The following AGBL4 variants were observed in gnomAD, a reference collection of about 807,000 sequenced individuals.
The protein encoded by AGBL4 is AGBL carboxypeptidase 4.
In AGBL4, 58 loss-of-function variants were observed where a neutral mutation model predicts 66.4. The ratio of observed to expected loss-of-function variants is 0.87; its 90% CI spans 0.71 to 1.09. The LOEUF (loss-of-function observed/expected upper bound fraction) is 1.09. Ranked by LOEUF, AGBL4 falls within the 50% of genes least tolerant of loss-of-function variation. AGBL4 has a pLI of 0.00. For missense variants in AGBL4, 579 were observed against 631.0 expected (o/e 0.92, Z 0.88); for synonymous variants, 234 against 222.9 (o/e 1.05, Z -0.44).
intron 9 of AGBL4, among the ~76,000 whole-genome samples, chr1:48,606,433 G>C (rs922385361): frequency 6.6e-6 from 1 of 152,166 alleles, no homozygotes; most frequent in Non-Finnish European, 1.5e-5. Context: ...TTAGATGGAG[G>C]TAAAGAGGCT....
At chr1:49,501,030 T>C (rs913203194) in intron 3 of AGBL4, among the ~76,000 whole-genome samples, 1 of 152,124 alleles carries the variant, frequency 6.6e-6, no homozygotes, top group Admixed American at 6.6e-5. Flanking sequence ...TTTGTTTGTA[T>C]AGTCTATAAT....
At chr1:49,727,347 T>A (rs17105748) in intron 2 of AGBL4, among the ~76,000 whole-genome samples, 2 of 151,844 alleles carry the variant, frequency 1.3e-5, no homozygotes, top group African/African-American at 4.8e-5. Context: ...GATATATATA[T>A]AGAGAGAAAA....
rs1658138956 is a variant in AGBL4 at position 49,971,911 on chromosome 1, T to TTTTTTTTTTTG, written c.34+51851_34+51852insCAAAAAAAAAA. 3.6e-5 allele frequency among the ~76,000 whole-genome samples: 3 copies of TTTTTTTTTTTG among 82,752 alleles called. No homozygotes were observed. In the South Asian group the frequency reaches 1.6e-3, roughly 43 times the overall value. 54.3% of individuals were successfully genotyped at this position (82,752 alleles called of 152,430 possible). On this transcript the variant is annotated intron_variant, in intron 1 of 13. Transcript: ENST00000371839. ...ACAAGTGCAGGGTTTTTTTGGGTTT[T>TTTTTTTTTTTG]TTTTTTTTTTTTTTTTTTTTTGCAG...
intron 6 of AGBL4, among the ~76,000 whole-genome samples, chr1:48,743,093 G>A (rs1482162114): frequency 6.6e-6 from 1 of 152,162 alleles, no homozygotes; most frequent in Admixed American, 6.5e-5. Flanking sequence ...CGCCTGGGTT[G>A]GAGGAGAAGG....
At chr1:49,080,602 G>A (rs1644792324) in intron 4 of AGBL4, among the ~76,000 whole-genome samples, 1 of 151,974 alleles carries the variant, frequency 6.6e-6, no homozygotes, top group South Asian at 2.1e-4. Flanking sequence ...GCAGGTGGAA[G>A]ATAGAGATAA....
At position 49,637,375 on chromosome 1, in the gene AGBL4, G is replaced by A. The variant is rs568190488; in HGVS notation, c.282+59938C>T. 3.4e-3 allele frequency among the ~76,000 whole-genome samples: 522 copies of A among 151,500 alleles called. 6 individuals are homozygous for A. The highest frequency in any genetic ancestry group is 0.012 in the African/African-American group (498 of 41,326). On this transcript the variant is annotated intron_variant, in intron 3 of 13. Coordinates refer to ENST00000371839, the MANE Select transcript of AGBL4 (RefSeq NM_032785.4). Reference sequence around the variant, plus strand: ...GAGTGCAGTGGGATGATCTCGGCTCGCTGCAACCTCCACCTCCCAGGTTCA... The same window carrying A: ...GAGTGCAGTGGGATGATCTCGGCTCACTGCAACCTCCACCTCCCAGGTTCA...
intron 3 of AGBL4, among the ~76,000 whole-genome samples, chr1:49,610,932 T>A (rs1020024161): frequency 6.6e-6 from 1 of 152,150 alleles, no homozygotes; most frequent in East Asian, 1.9e-4. Flanking sequence ...AAAAAGAATT[T>A]AATAAATGGA....
intron 5 of AGBL4, among the ~76,000 whole-genome samples, chr1:48,948,383 G>T (rs1656696930): frequency 6.6e-6 from 1 of 152,214 alleles, no homozygotes; most frequent in Non-Finnish European, 1.5e-5. Flanking sequence ...GCCTGCTGCA[G>T]CTGCCCTTGC....
intron 6 of AGBL4, among the ~76,000 whole-genome samples, chr1:48,806,473 C>T (rs1351346278): frequency 6.6e-6 from 1 of 152,206 alleles, no homozygotes; most frequent in African/African-American, 2.4e-5. Flanking sequence ...AAATCCCTAC[C>T]TCTAGTGCCC....
At chr1:49,418,589 A>G (rs1300336386) in intron 3 of AGBL4, among the ~76,000 whole-genome samples, 1 of 152,234 alleles carries the variant, frequency 6.6e-6, no homozygotes, top group African/African-American at 2.4e-5. Flanking sequence ...CTTGTAGGCA[A>G]TTGAACTAAA....
intron 6 of AGBL4, among the ~76,000 whole-genome samples, chr1:48,693,771 G>A (rs1646671434): frequency 6.6e-6 from 1 of 152,204 alleles, no homozygotes. Flanking sequence ...TTCTAAGTCT[G>A]CAGGAAACCT....
At chr1:49,499,095 C>T (rs1647885489) in intron 3 of AGBL4, among the ~76,000 whole-genome samples, 1 of 151,902 alleles carries the variant, frequency 6.6e-6, no homozygotes, top group Admixed American at 6.6e-5. Flanking sequence ...GAACTATTCC[C>T]TCTTCTTCAA....
At chr1:49,834,921 A>G (rs953358925) in intron 2 of AGBL4, among the ~76,000 whole-genome samples, 4 of 152,168 alleles carry the variant, frequency 2.6e-5, no homozygotes, top group African/African-American at 9.7e-5. Context: ...ATTTGATTAC[A>G]CTGTGGTTTG....
At chr1:48,964,792 G>A (rs570705345) in intron 5 of AGBL4, among the ~76,000 whole-genome samples, 1 of 152,014 alleles carries the variant, frequency 6.6e-6, no homozygotes, top group Non-Finnish European at 1.5e-5. Context: ...CATTTGCCAG[G>A]CACCAAAATA....
At chr1:49,429,453 A>G (rs1645735351) in intron 3 of AGBL4, among the ~76,000 whole-genome samples, 1 of 152,118 alleles carries the variant, frequency 6.6e-6, no homozygotes, top group African/African-American at 2.4e-5. Flanking sequence ...TCAATTTGAA[A>G]TTTTCTATGC....
chr1:48,673,780 A>G (rs1286986755), intron 6 of AGBL4, among the ~76,000 whole-genome samples: 1 of 152,268 alleles, frequency 6.6e-6, no homozygotes, highest in Non-Finnish European at 1.5e-5. Context: ...GAGAAATAAG[A>G]GTAATGATTC....
intron 6 of AGBL4, chr1:48,776,628 CT>C: frequency 6.8e-7 from 1 of 1,475,722 alleles, no homozygotes; most frequent in Non-Finnish European, 8.9e-7. Flanking sequence ...GGATCTGGGC[CT>C]TGTGGAGCAA....
At chr1:49,489,369 T>A (rs987493048) in intron 3 of AGBL4, among the ~76,000 whole-genome samples, 3 of 151,924 alleles carry the variant, frequency 2.0e-5, no homozygotes, top group Admixed American at 6.6e-5. Context: ...CTTATTTTTT[T>A]AAATCAGATT....
chr1:49,343,181 G>A (rs1295346477), intron 3 of AGBL4, among the ~76,000 whole-genome samples: 1 of 151,982 alleles, frequency 6.6e-6, no homozygotes, highest in African/African-American at 2.4e-5. Context: ...CCACATGAGA[G>A]GACCTAAGGT....
Sources: gnomAD v4.1 joint callset for allele counts (sites outside exome capture counted in the v4.1 genomes callset) on GRCh38, gnomAD v4.1.1 for gene constraint, MANE v1.5 for transcripts, NCBI Gene and HGNC (gene_info 2026-07-23, HGNC 2026-07-21) for gene names.